SLC22A5: variants seen among roughly 807,000 people sequenced by gnomAD.
The protein encoded by SLC22A5 is organic cation/carnitine transporter 2.
SLC22A5 carries 44 observed loss-of-function variants against 56.7 expected under a neutral mutation model. The observed-to-expected ratio is 0.78, with a 90% CI of 0.61 to 1.00. The LOEUF is 1.00. Ranked by LOEUF, SLC22A5 falls within the 50% of genes least tolerant of loss-of-function variation. SLC22A5 has a pLI of 0.00. For missense variants in SLC22A5, 675 were observed against 723.0 expected, an observed-to-expected ratio of 0.93 and a Z score of 0.76; for synonymous variants, 278 against 292.1, an observed-to-expected ratio of 0.95 and a Z score of 0.49.
Position 132,385,327 on chromosome 5 carries a change from G to A in SLC22A5, c.653-1G>A. ...AACTCGACCTCCCTTGTTTTGAACA[G>A]GGACAGAAATTCTTGGCAAGTCAGT... On this transcript the variant is annotated splice_acceptor_variant, in intron 3 of 9. Coordinates refer to ENST00000245407, the MANE Select transcript of SLC22A5 (RefSeq NM_003060.4). LOFTEE classifies it high-confidence loss of function. 6.2e-7 allele frequency: 1 copy of A among 1,613,796 alleles called. No homozygotes were observed. The highest frequency in any genetic ancestry group is 8.5e-7 in the Non-Finnish European group (1 of 1,179,882).
intron 1 of SLC22A5, 98 bp from the exon 2 acceptor site, chr5:132,378,280 G>A: frequency 6.2e-7 from 1 of 1,613,634 alleles, no homozygotes; most frequent in Non-Finnish European, 8.5e-7. Flanking sequence ...AGAGCGTGTG[G>A]GGATGGCAGG....
In SLC22A5 at chr5:132,369,904, C is replaced by T. The variant is rs1035351882; in HGVS notation, c.-69C>T. 6.3e-7 allele frequency: 1 copy of T among 1,578,748 alleles called. No homozygotes were observed. Among genetic ancestry groups the T allele is most frequent in the Non-Finnish European group, 8.6e-7 (1 of 1,165,778 alleles). On this transcript the variant is annotated 5_prime_UTR_variant, in exon 1 of 10. Coordinates refer to ENST00000245407, the MANE Select transcript of SLC22A5 (RefSeq NM_003060.4). ...CTTGCCTGGTCGGCGGCGGGTGCCC[C>T]GCGCGCACGCGCAAAGCCCGCCGCG...
chr5:132,376,345 A>G (rs1401497501), intron 1 of SLC22A5: 2 of 152,276 alleles, frequency 1.3e-5, no homozygotes, highest in Admixed American at 1.3e-4. Flanking sequence ...GAGTTAACCA[A>G]GGAGTTACAC....
At position 132,393,779 on chromosome 5, in the gene SLC22A5, A is replaced by G. The variant is rs774820478; in HGVS notation, c.1554A>G (p.Pro518=). ...FLPESFGTPL[P]DTIDQMLRVK... is the part of the protein sequence containing the mutation. ...CAGAGAGCTTCGGTACCCCACTCCC[A>G]GACACCATTGACCAGATGCTAAGAG... The change falls in exon 9 of 10, where the codon CCA becomes CCG. Residue 518 remains proline, a synonymous_variant. Coordinates refer to ENST00000245407, the MANE Select transcript of SLC22A5 (RefSeq NM_003060.4). 1 of 1,614,142 alleles carries G rather than the reference A, an allele frequency of 6.2e-7. No individual in the cohort carries two copies. The highest frequency in any genetic ancestry group is 1.1e-5 in the South Asian group (1 of 91,080).
chr5:132,370,204 C>T lies in SLC22A5; in HGVS notation c.232C>T (p.Pro78Ser), dbSNP rs1485828747. ...GCGGCTGCGGGACGGCCGCGAGGTG[C>T]CCCACAGCTGCCGCCGCTACCGGCT... ...PLRLRDGREV[P>S]HSCRRYRLAT... Residue 78 changes from proline (P) to serine (S), a missense_variant, in exon 1 of 10, where the codon CCC becomes TCC. Physicochemically the swap from Pro to Ser is moderately conservative, Grantham distance 74. Coordinates refer to ENST00000245407, the MANE Select transcript of SLC22A5 (RefSeq NM_003060.4). 1.3e-6 allele frequency: 2 copies of T among 1,590,952 alleles called. No individual in the cohort carries two copies. The highest frequency in any genetic ancestry group is 1.3e-5 in the African/African-American group (1 of 74,558).
intron 1 of SLC22A5, among the ~76,000 whole-genome samples, chr5:132,374,918 G>T (rs77516034): frequency 1.3e-5 from 2 of 152,116 alleles, no homozygotes; most frequent in Non-Finnish European, 2.9e-5. Flanking sequence ...AGCCAGGCTG[G>T]TGGTGCATCC....
intron 9 of SLC22A5, among the ~76,000 whole-genome samples, 184 bp downstream of exon 9, chr5:132,393,995 T>C (rs1348715358): frequency 6.6e-6 from 1 of 152,220 alleles, no homozygotes; most frequent in African/African-American, 2.4e-5. Flanking sequence ...TCTGTTCCTG[T>C]GTGGACATGT....
intron 7 of SLC22A5, among the ~76,000 whole-genome samples, chr5:132,391,634 C>T (rs1752704565): frequency 6.6e-6 from 1 of 152,156 alleles, no homozygotes. Flanking sequence ...GGGGCCAGAC[C>T]ACTGAGAGGG....
At chr5:132,380,498 GTGT>G (rs559905382) in intron 2 of SLC22A5, 64 of 152,234 alleles carry the variant, frequency 4.2e-4, no homozygotes, top group African/African-American at 1.5e-3. Context: ...GAAGCAAAAG[GTGT>G]TGTAGAGAGA....
chr5:132,373,342 A>ATAAG (rs72173016), intron 1 of SLC22A5, among the ~76,000 whole-genome samples: 1 of 152,068 alleles, frequency 6.6e-6, no homozygotes, highest in African/African-American at 2.4e-5. Context: ...CTAGCAATTA[A>ATAAG]TAAATAAATA....
At position 132,369,932 on chromosome 5, in the gene SLC22A5, C is replaced by A. The variant is rs375483744; in HGVS notation, c.-41C>A. On this transcript the variant is annotated 5_prime_UTR_variant, in exon 1 of 10. Coordinates refer to ENST00000245407, the MANE Select transcript of SLC22A5 (RefSeq NM_003060.4). ...GCGCACGCGCAAAGCCCGCCGCGTT[C>A]CCCGACCCCAGGCCGCGCTCTGTGG... The A allele has an allele frequency of 1.1e-5, 18 of 1,607,718 alleles. No individual in the cohort carries two copies. The highest frequency in any genetic ancestry group is 1.5e-5 in the Non-Finnish European group (18 of 1,177,798).
At position 132,369,803 on chromosome 5, in the gene SLC22A5, C is replaced by T. The variant is rs530867815; in HGVS notation, c.-170C>T. 23 of 828,732 alleles carry T rather than the reference C, an allele frequency of 2.8e-5. No individual in the cohort carries two copies. In the Admixed American group the frequency reaches 4.9e-4, roughly 18 times the overall value. The allele number at this position is 828,732 out of a possible 1,614,324, so 51.3% of individuals were successfully genotyped here. A position where few individuals can be genotyped will look rare whatever the true frequency, so the allele number is the denominator to read the frequency against. ...GTCGTGCGCCCTATGTAAGGCCAGC[C>T]GCGGCAGGACCAAGGCGGCGGTGTC... On this transcript the variant is annotated 5_prime_UTR_variant, in exon 1 of 10. Transcript: ENST00000245407.
At chr5:132,385,649 A>G (rs1752503093) in intron 4 of SLC22A5, 150 bp downstream of exon 4, 1 of 756,128 alleles carries the variant, frequency 1.3e-6, no homozygotes, top group Non-Finnish European at 2.3e-6. Context: ...TTTTCTCCAC[A>G]CTCAAAAGAG....
chr5:132,370,105 A>G lies in SLC22A5; in HGVS notation c.133A>G (p.Thr45Ala), dbSNP rs376438682. ...TGLSSVFLIA[T>A]PEHRCRVPDA... is the part of the protein sequence containing the mutation. ...CCTGTCCTCCGTGTTCCTGATAGCG[A>G]CCCCGGAGCACCGCTGCCGGGTGCC... The change falls in exon 1 of 10, where the codon ACC (threonine) becomes GCC (alanine). Residue 45 changes from threonine to alanine, a missense_variant. Coordinates refer to ENST00000245407, the MANE Select transcript of SLC22A5 (RefSeq NM_003060.4). 3.0e-5 allele frequency: 48 copies of G among 1,611,698 alleles called. No individual in the cohort carries two copies. The highest frequency in any genetic ancestry group is 3.3e-4 in the Middle Eastern group (2 of 6,056).
At chr5:132,370,915 A>G (rs1751891062) in intron 1 of SLC22A5, among the ~76,000 whole-genome samples, 2 of 150,348 alleles carry the variant, frequency 1.3e-5, no homozygotes, top group Non-Finnish European at 3.0e-5. Context: ...CATGCCCTGT[A>G]AGTAATTGTT....
chr5:132,377,882 A>G (rs1265174331), intron 1 of SLC22A5: 2 of 450,942 alleles, frequency 4.4e-6, no homozygotes, highest in African/African-American at 3.9e-5. Flanking sequence ...CCAGGGTGGG[A>G]ACCCGAGCAG....
chr5:132,375,604 T>G (rs1268530441), intron 1 of SLC22A5, among the ~76,000 whole-genome samples: 1 of 152,214 alleles, frequency 6.6e-6, no homozygotes, highest in East Asian at 1.9e-4. Flanking sequence ...GGAGACACAA[T>G]TCTCCCTCTT....
At position 132,385,391 on chromosome 5, in the gene SLC22A5, A is replaced by G. The variant is rs1752489940; in HGVS notation, c.716A>G (p.Tyr239Cys). 1 of 1,614,038 alleles carries G rather than the reference A, an allele frequency of 6.2e-7. No homozygotes were observed. Among genetic ancestry groups the G allele is most frequent in the African/African-American group, 1.3e-5 (1 of 75,036 alleles). ...IFSTLGVCIF[Y>C]AFGYMVLPLF... ...TCTACGTTAGGAGTGTGCATATTTT[A>G]TGCATTTGGCTACATGGTGCTGCCA... is the stretch of plus-strand genomic sequence containing the variant. The change falls in exon 4 of 10, where the codon TAT becomes TGT. Residue 239 changes from tyrosine (Y) to cysteine (C), a missense_variant. Transcript: ENST00000245407.
intron 8 of SLC22A5, among the ~76,000 whole-genome samples, chr5:132,393,060 C>T (rs1198585641): frequency 6.6e-6 from 1 of 152,170 alleles, no homozygotes; most frequent in African/African-American, 2.4e-5. Flanking sequence ...GTGATTTTAT[C>T]TTGTGTGAAG....
Sources: allele counts gnomAD v4.1 joint callset (sites outside exome capture counted in the v4.1 genomes callset), GRCh38; gene constraint gnomAD v4.1.1; transcripts MANE v1.5; gene names NCBI Gene and HGNC (gene_info 2026-07-23, HGNC 2026-07-21).